Variants in CAGE1 observed in about 807,000 individuals in gnomAD.
The protein encoded by CAGE1 is cancer antigen 1, also known as cancer-associated gene 1 protein.
Under a neutral mutation model 94.9 loss-of-function variants are expected in CAGE1, and 66 were observed. That is an observed-to-expected ratio of 0.70 (90% CI 0.57 to 0.85). The LOEUF is 0.85. Ranked by LOEUF, CAGE1 falls within the 40% of genes least tolerant of loss-of-function variation. CAGE1 has a pLI of 0.00. For synonymous variants in CAGE1, 319 were observed against 321.0 expected, an observed-to-expected ratio of 0.99 and a Z score of 0.07; for missense variants, 865 against 950.4, an observed-to-expected ratio of 0.91 and a Z score of 1.18.
At chr6:7,374,175 A>G in intron 4 of CAGE1, 44 bp from the exon 5 acceptor site, 1 of 1,497,742 alleles carries the variant, frequency 6.7e-7, no homozygotes, top group Non-Finnish European at 9.1e-7. Flanking sequence ...GAGTAGAAAG[A>G]TAATGAGCTT....
At position 7,356,134 on chromosome 6, in the gene CAGE1, G is replaced by A; in HGVS notation, c.2194-5C>T. 6.7e-7 allele frequency: 1 copy of A among 1,482,304 alleles called. No individual in the cohort carries two copies. The highest frequency in any genetic ancestry group is 9.2e-7 in the Non-Finnish European group (1 of 1,084,836). 91.8% of individuals were successfully genotyped at this position (1,482,304 alleles called of 1,614,324 possible). A position where few individuals can be genotyped will look rare whatever the true frequency, so the allele number is the denominator to read the frequency against. On this transcript the variant is annotated splice_polypyrimidine_tract_variant and splice_region_variant and intron_variant, in intron 9 of 13. Coordinates refer to ENST00000502583, the MANE Select transcript of CAGE1 (RefSeq NM_001170692.2). Reference sequence around the variant, plus strand: ...GAGATGTCCCAGTTTTGTGATCTATGGAGAAATATCAGTAAACATACTAAT... The same window carrying A: ...GAGATGTCCCAGTTTTGTGATCTATAGAGAAATATCAGTAAACATACTAAT...
At chr6:7,337,388 A>G (rs1159714312) in intron 11 of CAGE1, among the ~76,000 whole-genome samples, 2 of 151,858 alleles carry the variant, frequency 1.3e-5, no homozygotes, top group African/African-American at 4.8e-5. Flanking sequence ...ATTTATTAAA[A>G]TTTTCTCTAA....
rs1315064788 is a variant in CAGE1 at position 7,365,871 on chromosome 6, TTA to T, written c.2016_2017del (p.His672GlnfsTer3). 2.0e-6 allele frequency: 3 copies of T among 1,520,342 alleles called. No individual in the cohort carries two copies. The highest frequency in any genetic ancestry group is 2.7e-6 in the Non-Finnish European group (3 of 1,126,992). 94.2% of individuals were successfully genotyped at this position (1,520,342 alleles called of 1,614,324 possible). On this transcript the variant is annotated frameshift_variant, in exon 8 of 14. Transcript: ENST00000502583. LOFTEE classifies it high-confidence loss of function. The stretch of plus-strand genomic sequence containing the variant: ...CTCTCTAAAGGTTGTGATTCTATCT[TTA>T]TGTTTCAGTAGCTAAGAAAAGGAAA...
intron 12 of CAGE1, among the ~76,000 whole-genome samples, chr6:7,333,677 T>TATATATATATA (rs11400589): frequency 1.4e-5 from 2 of 140,330 alleles, no homozygotes; most frequent in Admixed American, 7.1e-5. Flanking sequence ...TATATATACA[T>TATATATATATA]TTTTTTTTTG....
chr6:7,365,496 T>G lies in CAGE1; in HGVS notation c.2165A>C (p.His722Pro). 2 of 1,613,494 alleles carry G rather than the reference T, an allele frequency of 1.2e-6. No homozygotes were observed. Among genetic ancestry groups the G allele is most frequent in the East Asian group, 2.2e-5 (1 of 44,814 alleles). Residue 722 changes from histidine (H) to proline (P), a missense_variant, in exon 9 of 14, where the codon CAC (histidine) becomes CCC (proline). Coordinates refer to ENST00000502583, the MANE Select transcript of CAGE1 (RefSeq NM_001170692.2). The stretch of plus-strand genomic sequence containing the variant: ...GAAATCAAGCTCCTCATTTAGACTG[T>G]GGTACTTATCCAGTTTGGCTCCCAG... ...TLLGAKLDKY[H>P]SLNEELDFLI...
At chr6:7,366,987 T>C (rs1760366359) in intron 7 of CAGE1, among the ~76,000 whole-genome samples, 1 of 152,196 alleles carries the variant, frequency 6.6e-6, no homozygotes, top group South Asian at 2.1e-4. Context: ...ATATCCAATA[T>C]TCAAACTGAT....
chr6:7,356,074 A>G lies in CAGE1; in HGVS notation c.2249T>C (p.Ile750Thr), dbSNP rs1158528066. ...ESKENHCNRL[I>T]EENDKYQRHL... The stretch of plus-strand genomic sequence containing the variant: ...TCTTTGATACTTGTCATTTTCTTCA[A>G]TGAGTCTGTTGCAGTGGTTTTCTTT... The change falls in exon 10 of 14, where the codon ATT (isoleucine) becomes ACT (threonine). Residue 750 changes from isoleucine (I) to threonine (T), a missense_variant. By Grantham distance (89) the Ile-to-Thr change is moderately conservative (BLOSUM62 -1). Transcript: ENST00000502583. 10 of 1,550,820 alleles carry G rather than the reference A, an allele frequency of 6.4e-6. No homozygotes were observed. Among genetic ancestry groups the G allele is most frequent in the South Asian group, 2.4e-5 (2 of 84,020 alleles).
intron 11 of CAGE1, among the ~76,000 whole-genome samples, chr6:7,351,064 C>T (rs565379132): frequency 1.3e-5 from 2 of 151,564 alleles, no homozygotes; most frequent in East Asian, 1.9e-4. Context: ...GAAGACTAAC[C>T]AAGAAAAGGA....
chr6:7,326,769 C>T lies in CAGE1; in HGVS notation c.*89G>A, dbSNP rs1171519674. The T allele has an allele frequency of 3.4e-6, 3 of 894,730 alleles. No individual in the cohort carries two copies. The Admixed American group carries it at 5.6e-5, about 17-fold the overall frequency. The allele number at this position is 894,730 out of a possible 1,614,324, so 55.4% of individuals were successfully genotyped here. Reference sequence around the variant, plus strand: ...CTTTATACAGATTTTAATATATCATCTGCATGGATTGATTTGGCTAGCATA... The same window carrying T: ...CTTTATACAGATTTTAATATATCATTTGCATGGATTGATTTGGCTAGCATA... On this transcript the variant is annotated 3_prime_UTR_variant, in exon 14 of 14. Transcript: ENST00000502583.
chr6:7,355,355 G>A (rs980192228), intron 10 of CAGE1, among the ~76,000 whole-genome samples: 26 of 152,272 alleles, frequency 1.7e-4, no homozygotes, highest in Non-Finnish European at 2.9e-4. Context: ...CCATAATCTA[G>A]TTGTCTTCCA....
intron 9 of CAGE1, among the ~76,000 whole-genome samples, chr6:7,364,823 C>T (rs1283091352): frequency 2.0e-5 from 3 of 152,058 alleles, no homozygotes; most frequent in African/African-American, 7.2e-5. Flanking sequence ...TGAACCTTCA[C>T]GTTATTAGAC....
chr6:7,373,591 A>AGCTTAAAGCTTCTTGATCTTC lies in CAGE1; in HGVS notation c.1227_1228insGAAGATCAAGAAGCTTTAAGC (p.Gln409_Phe410insGluAspGlnGluAlaLeuSer). ...ACATAATTAGCCTTGATCTTCTTAA[A>AGCTTAAAGCTTCTTGATCTTC]TTGAAGCTGTAACATTTCCTTGTCA... is the stretch of plus-strand genomic sequence containing the variant. On this transcript the variant is annotated inframe_insertion, in exon 5 of 14. Transcript: ENST00000502583. The AGCTTAAAGCTTCTTGATCTTC allele has an allele frequency of 6.2e-7, 1 of 1,613,482 alleles. No individual in the cohort carries two copies. Among genetic ancestry groups the AGCTTAAAGCTTCTTGATCTTC allele is most frequent in the Non-Finnish European group, 8.5e-7 (1 of 1,179,768 alleles).
Position 7,368,758 on chromosome 6 carries a change from T to C in CAGE1, c.1934A>G (p.Glu645Gly), listed in dbSNP as rs747982278. 1.5e-5 allele frequency: 23 copies of C among 1,559,790 alleles called. No individual in the cohort carries two copies. The highest frequency in any genetic ancestry group is 2.0e-5 in the Non-Finnish European group (23 of 1,151,538). Residue 645 changes from glutamate to glycine, a missense_variant, in exon 7 of 14, where the codon GAG (glutamate) becomes GGG (glycine). Coordinates refer to ENST00000502583, the MANE Select transcript of CAGE1 (RefSeq NM_001170692.2). Reference sequence around the variant, plus strand: ...TTGCAGCATTATATCACTAACCTTCTCACTCTCTTTGAAATGTTCAGCATC... The same window carrying C: ...TTGCAGCATTATATCACTAACCTTCCCACTCTCTTTGAAATGTTCAGCATC... The part of the protein sequence containing the change: ...NSDAEHFKES[E>G]KVSDIMLQKL...
At chr6:7,369,245 T>C (rs1319336212) in intron 6 of CAGE1, among the ~76,000 whole-genome samples, 1 of 152,082 alleles carries the variant, frequency 6.6e-6, no homozygotes, top group Non-Finnish European at 1.5e-5. Context: ...TGACCTCAGG[T>C]GATCTGCCCG....
intron 11 of CAGE1, chr6:7,341,886 T>C: frequency 2.9e-6 from 2 of 688,846 alleles, no homozygotes; most frequent in Non-Finnish European, 5.5e-6. Flanking sequence ...ACGGGTGCCC[T>C]CTCCAATCAG....
chr6:7,347,729 G>A (rs1451823776), intron 11 of CAGE1, among the ~76,000 whole-genome samples: 1 of 151,966 alleles, frequency 6.6e-6, no homozygotes, highest in Non-Finnish European at 1.5e-5. Context: ...CTGTAAAAGG[G>A]GGCATGGTGA....
chr6:7,384,617 C>G (rs150789810), intron 3 of CAGE1, among the ~76,000 whole-genome samples: 85 of 152,178 alleles, frequency 5.6e-4, no homozygotes, highest in African/African-American at 1.9e-3. Context: ...AAACCAAAAA[C>G]ATGATCAATG....
At chr6:7,361,939 C>A (rs1169689521) in intron 9 of CAGE1, among the ~76,000 whole-genome samples, 1 of 152,198 alleles carries the variant, frequency 6.6e-6, no homozygotes, top group Non-Finnish European at 1.5e-5. Context: ...GAGAGGCCGG[C>A]AAACTATAAA....
chr6:7,358,388 G>A, intron 9 of CAGE1, among the ~76,000 whole-genome samples: 1 of 151,856 alleles, frequency 6.6e-6, no homozygotes. Flanking sequence ...TTATGACTGA[G>A]GAGTATTTTC....
Sources: allele counts gnomAD v4.1 joint callset (sites outside exome capture counted in the v4.1 genomes callset), GRCh38; gene constraint gnomAD v4.1.1; transcripts MANE v1.5; gene names NCBI Gene and HGNC (gene_info 2026-07-23, HGNC 2026-07-21).